The following ATP2B2 variants were observed in gnomAD, a reference collection of about 807,000 sequenced individuals.
ATP2B2 encodes ATPase plasma membrane Ca2+ transporting 2.
ATP2B2 carries 15 observed loss-of-function variants against 120.0 expected under a neutral mutation model. The ratio of observed to expected loss-of-function variants is 0.12; its 90% CI spans 0.08 to 0.19. The LOEUF (loss-of-function observed/expected upper bound fraction) is 0.19. Among genes scored for constraint, ATP2B2 ranks in the 10% least tolerant of loss-of-function variants. The pLI is 1.00. For synonymous variants in ATP2B2, 694 were observed against 700.3 expected, an observed-to-expected ratio of 0.99 and a Z score of 0.14; for missense variants, 1,045 against 1,719.8, an observed-to-expected ratio of 0.61 and a Z score of 6.94.
At chr3:10,607,629 C>T (rs1019695410) in intron 2 of ATP2B2, among the ~76,000 whole-genome samples, 1 of 152,230 alleles carries the variant, frequency 6.6e-6, no homozygotes, top group Non-Finnish European at 1.5e-5. Flanking sequence ...CCTGAAAAAT[C>T]TATCCACACT....
chr3:10,625,329 G>T (rs548271001), intron 1 of ATP2B2, among the ~76,000 whole-genome samples: 1 of 152,142 alleles, frequency 6.6e-6, no homozygotes, highest in African/African-American at 2.4e-5. Context: ...TGGGCTTCGG[G>T]GGCCTGGGTC....
intron 2 of ATP2B2, among the ~76,000 whole-genome samples, chr3:10,606,500 A>G (rs2125599637): frequency 6.6e-6 from 1 of 152,278 alleles, no homozygotes; most frequent in East Asian, 1.9e-4. Context: ...TCTTTGGTGA[A>G]GTAGGGAGTG....
chr3:10,486,342 T>TGTGTG (rs1221004728), intron 1 of ATP2B2, among the ~76,000 whole-genome samples: 1 of 151,894 alleles, frequency 6.6e-6, no homozygotes, highest in East Asian at 1.9e-4. Flanking sequence ...TGTGTGTGTG[T>TGTGTG]GTGTGTGTGT....
In ATP2B2 at chr3:10,512,502, A is replaced by G. The variant is rs746338690; in HGVS notation, c.-320+21537T>C. Among the ~76,000 whole-genome samples, 397 of 150,178 alleles carry G rather than the reference A, an allele frequency of 2.6e-3. 2 individuals carry two copies. Among genetic ancestry groups the G allele is most frequent in the Non-Finnish European group, 4.6e-3 (312 of 67,658 alleles). ...CACACACACACACACACACACACAC[A>G]CACACACACACACACTGTCTGCCCC... On this transcript the variant is annotated intron_variant, in intron 3 of 21. Coordinates refer to the ATP2B2 transcript ENST00000646379.
At position 10,328,659 on chromosome 3, in the gene ATP2B2, C is replaced by CT; in HGVS notation, c.*154dup. On this transcript the variant is annotated 3_prime_UTR_variant, in exon 23 of 23. Coordinates refer to ENST00000360273, the MANE Select transcript of ATP2B2 (RefSeq NM_001001331.4). ...ACAGCATCGCAGCCAGAGAAAGGGT[C>CT]TGTGGGTGGAAACGTTGGTTTTCTC... is the stretch of plus-strand genomic sequence containing the variant. 1.4e-6 allele frequency: 1 copy of CT among 739,068 alleles called. No individual in the cohort carries two copies. Among genetic ancestry groups the CT allele is most frequent in the Non-Finnish European group, 2.2e-6 (1 of 462,666 alleles). 45.8% of individuals were successfully genotyped at this position (739,068 alleles called of 1,614,324 possible). A position where few individuals can be genotyped will look rare whatever the true frequency, so the allele number is the denominator to read the frequency against.
intron 1 of ATP2B2, among the ~76,000 whole-genome samples, chr3:10,670,100 G>A (rs2071055924): frequency 6.6e-6 from 1 of 152,216 alleles, no homozygotes; most frequent in Non-Finnish European, 1.5e-5. Flanking sequence ...TGAGTTAAGA[G>A]TGTGATGCAG....
rs535958964 is a variant in ATP2B2, at chr3:10,635,875, C to T, written c.-459-15914G>A. Among the ~76,000 whole-genome samples the T allele has an allele frequency of 3.9e-5, 6 of 152,270 alleles. No homozygotes were observed. Among genetic ancestry groups the T allele is most frequent in the South Asian group, 2.1e-4 (1 of 4,816 alleles). On this transcript the variant is annotated intron_variant, in intron 1 of 21. Transcript: ENST00000646379. This position sits in a 1 kb window ranked among gnomAD's most constrained non-coding sequence, Gnocchi z 4.3. ...CTGCTGGCAAGGGAGGCTGCAGTGG[C>T]GGCTGCAAGTGTCACTCCCAGGCCT...
intron 2 of ATP2B2, among the ~76,000 whole-genome samples, chr3:10,615,940 C>T (rs886253752): frequency 1.3e-5 from 2 of 152,156 alleles, no homozygotes; most frequent in Non-Finnish European, 2.9e-5. Flanking sequence ...ACTGTTGCTT[C>T]TGGGTCTCGC....
intron 1 of ATP2B2, among the ~76,000 whole-genome samples, chr3:10,503,015 C>T (rs190434488): frequency 4.6e-5 from 7 of 152,292 alleles, no homozygotes; most frequent in South Asian, 2.1e-4. Flanking sequence ...TGAGATGATA[C>T]GTGCAAAGCA....
chr3:10,459,378 G>A (rs111943056), intron 1 of ATP2B2, among the ~76,000 whole-genome samples: 66 of 152,246 alleles, frequency 4.3e-4, no homozygotes, highest in Admixed American at 3.9e-4. Flanking sequence ...ACTTTGGGCT[G>A]CAAGAGAGGG....
intron 3 of ATP2B2, among the ~76,000 whole-genome samples, chr3:10,403,521 A>G (rs1325357457): frequency 6.6e-6 from 1 of 152,178 alleles, no homozygotes. Flanking sequence ...TCATCCCCAC[A>G]AGGGTCCTGA....
chr3:10,388,327 A>C lies in ATP2B2; in HGVS notation c.857T>G (p.Phe286Cys). ...TTCACCACCAGCCCCCAGGAGGGTA[A>C]AGATGATGCCAGTCTGAGAGTTCAC... ...VGVNSQTGII[F>C]TLLGAGGEEE... The change falls in exon 6 of 23, where the codon TTT becomes TGT. Residue 286 changes from phenylalanine to cysteine, a missense_variant. Physicochemically the swap from Phe to Cys is radical, Grantham distance 205. Transcript: ENST00000360273. 6.2e-7 allele frequency: 1 copy of C among 1,614,138 alleles called. No homozygotes were observed. Among genetic ancestry groups the C allele is most frequent in the Non-Finnish European group, 8.5e-7 (1 of 1,180,018 alleles).
intron 1 of ATP2B2, among the ~76,000 whole-genome samples, chr3:10,691,277 G>C (rs752665): frequency 6.6e-6 from 1 of 152,134 alleles, no homozygotes; most frequent in South Asian, 2.1e-4. Context: ...TAAAATAACC[G>C]TACAATGGAT....
intron 2 of ATP2B2, among the ~76,000 whole-genome samples, chr3:10,438,297 C>T (rs1490455285): frequency 6.6e-6 from 1 of 152,224 alleles, no homozygotes; most frequent in Non-Finnish European, 1.5e-5. Flanking sequence ...GGGGAGGCCC[C>T]AGGGAACACT....
chr3:10,678,763 T>C (rs936823746), intron 1 of ATP2B2, among the ~76,000 whole-genome samples: 1 of 152,156 alleles, frequency 6.6e-6, no homozygotes, highest in African/African-American at 2.4e-5. Flanking sequence ...TACCAATCTG[T>C]GGTAGGTAGA....
chr3:10,563,130 A>G (rs1337517045), intron 2 of ATP2B2, among the ~76,000 whole-genome samples: 6 of 152,208 alleles, frequency 3.9e-5, no homozygotes, highest in Non-Finnish European at 7.3e-5. Context: ...GGTAACTTAT[A>G]TTGAGGGTTG....
intron 2 of ATP2B2, among the ~76,000 whole-genome samples, chr3:10,534,536 C>G (rs1019512681): frequency 3.9e-5 from 6 of 152,254 alleles, no homozygotes; most frequent in African/African-American, 1.4e-4. Flanking sequence ...CATAAATTAT[C>G]TTTGCTGGAT....
intron 2 of ATP2B2, among the ~76,000 whole-genome samples, chr3:10,437,575 C>T (rs34859): frequency 0.22 from 32,924 of 152,190 alleles, 4,777 homozygotes; most frequent in East Asian, 0.55. Flanking sequence ...CACATCAGTA[C>T]AGCAGTGAGC....
rs895446207 is a variant in ATP2B2 at position 10,444,803 on chromosome 3, C to T, written c.199+4542G>A. 2.0e-5 allele frequency among the ~76,000 whole-genome samples: 3 copies of T among 152,246 alleles called. No individual in the cohort carries two copies. The East Asian group carries it at 5.8e-4, about 29-fold the overall frequency. On this transcript the variant is annotated intron_variant, in intron 2 of 22. Transcript: ENST00000360273. ...GGAGCCATCTGCTCCATGGGTGACA[C>T]AGGGTGTCCTGTGTCTGTCCCCAAG...
Sources: gnomAD v4.1 joint callset for allele counts (sites outside exome capture counted in the v4.1 genomes callset) on GRCh38, gnomAD v4.1.1 for gene constraint, Gnocchi (gnomAD v3.1) non-coding constraint, MANE v1.5 for transcripts, NCBI Gene and HGNC (gene_info 2026-07-23, HGNC 2026-07-21) for gene names.